ASGR1: variants seen among roughly 807,000 people sequenced by gnomAD.
ASGR1 encodes the protein C-type lectin domain family 4 member H1.
ASGR1 carries 35 observed loss-of-function variants against 33.1 expected under a neutral mutation model. That is an observed-to-expected ratio of 1.06 (90% CI 0.81 to 1.40). ASGR1 has a LOEUF of 1.40. Among genes scored for constraint, ASGR1 ranks in the 40% most tolerant of loss-of-function variants. The pLI is 0.00. For missense variants in ASGR1, 396 were observed against 373.7 expected (o/e 1.06, Z -0.49); for synonymous variants, 142 against 152.5 (o/e 0.93, Z 0.51).
chr17:7,178,260 C>T (rs1243630399), intron 2 of ASGR1: 5 of 550,998 alleles, frequency 9.1e-6, no homozygotes. Context: ...GGGTCCACCT[C>T]CGAGGGCCAG....
Position 7,173,758 on chromosome 17 carries a change from G to A in ASGR1, c.777C>T (p.Thr259=). The A allele has an allele frequency of 6.2e-7, 1 of 1,613,500 alleles. No individual in the cohort carries two copies. Among genetic ancestry groups the A allele is most frequent in the Non-Finnish European group, 8.5e-7 (1 of 1,179,976 alleles). ...LGGGEDCAHF[T]DDGRWNDDVC... ...CGTCGTCGTTCCAGCGGCCGTCGTC[G>A]GTGAAGTGGGCACAGTCCTCGCCTC... Residue 259 remains threonine, a synonymous_variant, in exon 9 of 9, where the codon ACC becomes ACT. Coordinates refer to ENST00000269299, the MANE Select transcript of ASGR1 (RefSeq NM_001671.5). This position sits in a 1 kb window ranked among gnomAD's most constrained non-coding sequence, Gnocchi z 4.7.
rs933237140 is a variant in ASGR1, at chr17:7,174,521, G to A, written c.356-61C>T. 6.5e-6 allele frequency: 10 copies of A among 1,541,434 alleles called. No individual in the cohort carries two copies. The African/African-American group carries it at 9.5e-5, about 15-fold the overall frequency. On this transcript the variant is annotated intron_variant, in intron 5 of 8. Coordinates refer to ENST00000269299, the MANE Select transcript of ASGR1 (RefSeq NM_001671.5). Reference sequence around the variant, plus strand: ...GCGGAAACCACGGGGAGGGAAACGGGAAACGAGGTCAGCCCTACATCCTCC... The same window carrying A: ...GCGGAAACCACGGGGAGGGAAACGGAAAACGAGGTCAGCCCTACATCCTCC...
intron 5 of ASGR1, among the ~76,000 whole-genome samples, chr17:7,175,779 G>GCT (rs1488462454): frequency 2.3e-5 from 3 of 129,166 alleles, no homozygotes; most frequent in African/African-American, 1.1e-4. Flanking sequence ...TTTCACACAG[G>GCT]CTCTCACACA....
At chr17:7,178,761 G>C (rs1597425519) in intron 1 of ASGR1, 173 bp from the exon 2 acceptor site, 1 of 488,522 alleles carries the variant, frequency 2.0e-6, no homozygotes, top group East Asian at 3.3e-5. Context: ...TTTTTGAGAG[G>C]GAGTCTTGCT....
Position 7,173,564 on chromosome 17 carries a change from T to C in ASGR1, c.*95A>G. The C allele has an allele frequency of 2.0e-6, 3 of 1,522,106 alleles. No homozygotes were observed. Among genetic ancestry groups the C allele is most frequent in the Non-Finnish European group, 2.7e-6 (3 of 1,121,300 alleles). The allele number at this position is 1,522,106 out of a possible 1,614,324, so 94.3% of individuals were successfully genotyped here. A position where few individuals can be genotyped will look rare whatever the true frequency, so the allele number is the denominator to read the frequency against. ...TATCCTTCCCCTTCCCTTAAAATCC[T>C]AGATGAAAATTCCCGAGAAAGCAGA... On this transcript the variant is annotated 3_prime_UTR_variant, in exon 9 of 9. Coordinates refer to ENST00000269299, the MANE Select transcript of ASGR1 (RefSeq NM_001671.5). The surrounding 1 kb of genome is among the most constrained non-coding windows in gnomAD (Gnocchi z 4.7).
chr17:7,175,263 A>G (rs2069183138), intron 5 of ASGR1, among the ~76,000 whole-genome samples: 1 of 149,746 alleles, frequency 6.7e-6, no homozygotes, highest in Non-Finnish European at 1.5e-5. Context: ...ACCCTCACAC[A>G]CACACACGGA....
chr17:7,178,784 C>G, intron 1 of ASGR1, 196 bp from the exon 2 acceptor site: 1 of 432,224 alleles, frequency 2.3e-6, no homozygotes, highest in Non-Finnish European at 4.0e-6. Context: ...GTCCCCAGGC[C>G]GGAGTGCAGT....
At chr17:7,178,637 G>C (rs2069243327) in intron 1 of ASGR1, 49 bp from the exon 2 acceptor site, 2 of 1,341,880 alleles carry the variant, frequency 1.5e-6, no homozygotes, top group Non-Finnish European at 2.1e-6. Context: ...ACCAGGACTA[G>C]AGTGGGAATG....
intron 5 of ASGR1, among the ~76,000 whole-genome samples, chr17:7,175,979 C>T (rs1457425119): frequency 6.6e-6 from 1 of 150,570 alleles, no homozygotes; most frequent in African/African-American, 2.5e-5. Context: ...CGTTCTCACA[C>T]ACATACACTG....
chr17:7,176,678 A>T lies in ASGR1; in HGVS notation c.355+152T>A, dbSNP rs2142767129. On this transcript the variant is annotated intron_variant, in intron 5 of 8. Transcript: ENST00000269299. Reference sequence around the variant, plus strand: ...GCTCTCATACACACACCCAAAACACACTCCCCCTCATTCTCACACACAGAC... The same window carrying T: ...GCTCTCATACACACACCCAAAACACTCTCCCCCTCATTCTCACACACAGAC... 2.8e-6 allele frequency: 3 copies of T among 1,086,110 alleles called. 1 individual carries two copies. The highest frequency in any genetic ancestry group is 5.9e-4 in the Middle Eastern group (2 of 3,372). The allele number at this position is 1,086,110 out of a possible 1,614,324, so 67.3% of individuals were successfully genotyped here.
intron 5 of ASGR1, among the ~76,000 whole-genome samples, chr17:7,176,362 AC>A (rs540632627): frequency 1.6e-4 from 23 of 145,826 alleles, no homozygotes; most frequent in Admixed American, 1.3e-3. Context: ...AGACACACAC[AC>A]CCCATCTCAT....
intron 2 of ASGR1, 143 bp downstream of exon 2, chr17:7,178,351 G>A: frequency 1.1e-6 from 1 of 879,284 alleles, no homozygotes; most frequent in Non-Finnish European, 1.9e-6. Flanking sequence ...GAGAGAGGCA[G>A]TTCCGACACC....
intron 1 of ASGR1, 56 bp from the exon 2 acceptor site, chr17:7,178,644 A>C (rs1206551158): frequency 7.9e-7 from 1 of 1,265,938 alleles, no homozygotes; most frequent in East Asian, 2.5e-5. Flanking sequence ...CTAGAGTGGG[A>C]ATGAGGGGCC....
chr17:7,178,710 TTTC>T (rs1286913365), intron 1 of ASGR1, 122 bp from the exon 2 acceptor site: 16 of 568,318 alleles, frequency 2.8e-5, no homozygotes, highest in Admixed American at 1.7e-4. Flanking sequence ...TTCTTCTTTC[TTTC>T]TTTTCTTTTT....
intron 5 of ASGR1, among the ~76,000 whole-genome samples, chr17:7,176,265 ACT>A (rs2069205147): frequency 7.2e-6 from 1 of 137,972 alleles, no homozygotes; most frequent in East Asian, 2.1e-4. Context: ...TCATTCTCAC[ACT>A]CACTCACACA....
At chr17:7,174,818 A>C (rs1430226322) in intron 5 of ASGR1, among the ~76,000 whole-genome samples, 1 of 150,730 alleles carries the variant, frequency 6.6e-6, no homozygotes, top group Non-Finnish European at 1.5e-5. Context: ...GACAACACAC[A>C]GAGACACACA....
chr17:7,175,805 T>C lies in ASGR1; in HGVS notation c.355+1025A>G, dbSNP rs2069193038. Among the ~76,000 whole-genome samples the C allele has an allele frequency of 2.7e-5, 4 of 147,562 alleles. No homozygotes were observed. In the South Asian group the frequency reaches 8.5e-4, roughly 31 times the overall value. On this transcript the variant is annotated intron_variant, in intron 5 of 8. Transcript: ENST00000269299. The stretch of plus-strand genomic sequence containing the variant: ...CTCTCACACACACACACACTCCCTC[T>C]CATTCTCACAGACACACACTCAGAC...
At chr17:7,176,572 A>T (rs1246068143) in intron 5 of ASGR1, 3 of 523,594 alleles carry the variant, frequency 5.7e-6, no homozygotes, top group South Asian at 4.5e-5. Context: ...CCTCATTCTC[A>T]CACACAGACT....
At chr17:7,174,911 A>G (rs1028667475) in intron 5 of ASGR1, among the ~76,000 whole-genome samples, 1 of 147,040 alleles carries the variant, frequency 6.8e-6, no homozygotes, top group Non-Finnish European at 1.5e-5. Flanking sequence ...CACAATACAG[A>G]ACACACAACA....
Sources: gnomAD v4.1 joint callset for allele counts (sites outside exome capture counted in the v4.1 genomes callset) on GRCh38, gnomAD v4.1.1 for gene constraint, Gnocchi (gnomAD v3.1) non-coding constraint, MANE v1.5 for transcripts, NCBI Gene and HGNC (gene_info 2026-07-23, HGNC 2026-07-21) for gene names.